CENPN: variants seen among roughly 807,000 people sequenced by gnomAD.
The protein encoded by CENPN is interphase centromere complex protein 32.
Under a neutral mutation model 48.6 loss-of-function variants are expected in CENPN, and 36 were observed. That is an observed-to-expected ratio of 0.74 (90% CI 0.57 to 0.98). CENPN has a LOEUF of 0.98. Among genes scored for constraint, CENPN ranks in the 50% least tolerant of loss-of-function variants. The probability of loss-of-function intolerance (pLI) is 0.00; values close to 1 mark genes in which losing one functional copy is unlikely to be tolerated. For synonymous variants in CENPN, 166 were observed against 135.2 expected (o/e 1.23, Z -1.58); for missense variants, 439 against 399.2 (o/e 1.10, Z -0.85).
In CENPN at chr16:81,026,649, G is replaced by A. The variant is rs370546898; in HGVS notation, c.810+11G>A. 6.9e-5 allele frequency: 92 copies of A among 1,331,816 alleles called. No homozygotes were observed. Among genetic ancestry groups the A allele is most frequent in the Middle Eastern group, 1.9e-4 (1 of 5,314 alleles). 82.5% of individuals were successfully genotyped at this position (1,331,816 alleles called of 1,614,324 possible). A position where few individuals can be genotyped will look rare whatever the true frequency, so the allele number is the denominator to read the frequency against. On this transcript the variant is annotated intron_variant, in intron 9 of 10. Transcript: ENST00000305850. Reference sequence around the variant, plus strand: ...TTTGCACAATATAAGGTAAGATGTCGTAATAAATATTAAGTACAAGATATC... The same window carrying A: ...TTTGCACAATATAAGGTAAGATGTCATAATAAATATTAAGTACAAGATATC...
At chr16:81,018,949 G>A (rs544881717) in intron 5 of CENPN, among the ~76,000 whole-genome samples, 1 of 152,312 alleles carries the variant, frequency 6.6e-6, no homozygotes, top group Admixed American at 6.5e-5. Flanking sequence ...TCAGAGGGGA[G>A]CTGATAATCC....
chr16:81,017,903 T>C, intron 5 of CENPN, 69 bp downstream of exon 5: 1 of 893,030 alleles, frequency 1.1e-6, no homozygotes. Context: ...AATTTGCTAC[T>C]ATCATAGTTT....
In CENPN at chr16:81,028,625, A is replaced by C; in HGVS notation, c.994A>C (p.Asn332His). The change falls in exon 11 of 11, where the codon AAT becomes CAT. Residue 332 changes from asparagine to histidine, a missense_variant. By Grantham distance (68) the Asn-to-His change is moderately conservative. Transcript: ENST00000305850. ...LLTCIPNKRMNYFKIRDK is the reference protein window; with the variant it reads ...LLTCIPNKRMHYFKIRDK ...CACTTGCATACCCAACAAGAGAATGAATTATTTTAAAATTAGAGATAAATA... is the reference window on the plus strand; with the variant it reads ...CACTTGCATACCCAACAAGAGAATGCATTATTTTAAAATTAGAGATAAATA... 1 of 1,611,994 alleles carries C rather than the reference A, an allele frequency of 6.2e-7. No homozygotes were observed. The highest frequency in any genetic ancestry group is 8.5e-7 in the Non-Finnish European group (1 of 1,179,594).
chr16:81,007,373 T>C (rs1356129222), intron 1 of CENPN, 96 bp downstream of exon 1: 2 of 152,156 alleles, frequency 1.3e-5, no homozygotes, highest in Non-Finnish European at 2.9e-5. Flanking sequence ...TTTTCGCAAT[T>C]GTCGCACGTT....
At chr16:81,014,549 C>G (rs1231796313) in intron 3 of CENPN, among the ~76,000 whole-genome samples, 1 of 152,018 alleles carries the variant, frequency 6.6e-6, no homozygotes. Flanking sequence ...TATAACGCCT[C>G]AGAGTCTAGA....
chr16:81,020,063 T>A (rs770746133), intron 5 of CENPN, 37 bp from the exon 6 acceptor site: 1 of 1,549,328 alleles, frequency 6.5e-7, no homozygotes. Flanking sequence ...GAAATTTTAA[T>A]TAGGAAATTA....
At chr16:81,026,690 G>T in intron 9 of CENPN, 52 bp downstream of exon 9, 1 of 887,684 alleles carries the variant, frequency 1.1e-6, no homozygotes, top group Non-Finnish European at 1.7e-6. Context: ...TGTTTAAAAA[G>T]AACAAAAACC....
Position 81,022,873 on chromosome 16 carries a change from C to A in CENPN, c.633+175C>A. 3 of 1,609,822 alleles carry A rather than the reference C, an allele frequency of 1.9e-6. No homozygotes were observed. In the South Asian group the frequency reaches 3.3e-5, roughly 18 times the overall value. Reference sequence around the variant, plus strand: ...AAGGAAAATAAAAATTCCTCACAGTCATCTTTTTATAATTGTATTGTGTTT... The same window carrying A: ...AAGGAAAATAAAAATTCCTCACAGTAATCTTTTTATAATTGTATTGTGTTT... On this transcript the variant is annotated intron_variant, in intron 7 of 10. Transcript: ENST00000305850.
chr16:81,008,712 T>A (rs967099536), intron 1 of CENPN, among the ~76,000 whole-genome samples: 1 of 152,192 alleles, frequency 6.6e-6, no homozygotes, highest in African/African-American at 2.4e-5. Flanking sequence ...ACCACCCAGG[T>A]TGTCTCCTCA....
chr16:81,016,509 C>G (rs1969937580), intron 3 of CENPN, among the ~76,000 whole-genome samples: 1 of 152,220 alleles, frequency 6.6e-6, no homozygotes, highest in African/African-American at 2.4e-5. Flanking sequence ...CGCCTGTAAT[C>G]CCAGCACTTT....
chr16:81,027,080 G>C (rs979701018), intron 9 of CENPN, among the ~76,000 whole-genome samples: 1 of 152,056 alleles, frequency 6.6e-6, no homozygotes, highest in African/African-American at 2.4e-5. Flanking sequence ...TTACAGACGT[G>C]AGCCACTGCG....
Position 81,024,759 on chromosome 16 carries a change from C to T in CENPN, c.678C>T (p.Ser226=), listed in dbSNP as rs1416497174. 1 of 1,609,352 alleles carries T rather than the reference C, an allele frequency of 6.2e-7. No homozygotes were observed. Among genetic ancestry groups the T allele is most frequent in the Non-Finnish European group, 8.5e-7 (1 of 1,176,892 alleles). Residue 226 remains serine (S), a synonymous_variant, in exon 8 of 11, where the codon AGC becomes AGT. Transcript: ENST00000305850. ...CTACGACACCTCTACAGGAAAGAAG[C>T]CTTGGACTAGATATAAATAGTACGT... ...HNSTTPLQER[S]LGLDINMDSR... is the part of the protein sequence containing the mutation.
At chr16:81,024,599 G>C in intron 7 of CENPN, 116 bp from the exon 8 acceptor site, 3 of 621,382 alleles carry the variant, frequency 4.8e-6, no homozygotes, top group Non-Finnish European at 7.8e-6. Context: ...TATGGCTTTG[G>C]ATCTTTCTGT....
intron 7 of CENPN, 30 bp from the exon 8 acceptor site, chr16:81,024,685 T>C: frequency 1.4e-6 from 2 of 1,456,378 alleles, no homozygotes; most frequent in Non-Finnish European, 1.9e-6. Context: ...GATGTCAAGA[T>C]TAGTAAAATA....
chr16:81,029,352 C>T lies in CENPN; in HGVS notation c.*701C>T. Reference sequence around the variant, plus strand: ...TTGATCAAAGTACTTCAGTGATCATCACTAAATACCCTATCTTTTTAAAAA... The same window carrying T: ...TTGATCAAAGTACTTCAGTGATCATTACTAAATACCCTATCTTTTTAAAAA... On this transcript the variant is annotated 3_prime_UTR_variant, in exon 11 of 11. Transcript: ENST00000305850. The T allele has an allele frequency of 1.1e-6, 1 of 931,972 alleles. No homozygotes were observed. Among genetic ancestry groups the T allele is most frequent in the African/African-American group, 1.8e-5 (1 of 56,280 alleles). The allele number at this position is 931,972 out of a possible 1,614,324, so 57.7% of individuals were successfully genotyped here.
rs1969767262 is a variant in CENPN at position 81,012,115 on chromosome 16, CAG to C, written c.171+6_171+7del. ...CACTTGATCCATCTGTGTGAGGTAA[CAG>C]TGTTAAAAATGATGAGCCTTGAACA... On this transcript the variant is annotated splice_donor_region_variant and intron_variant, in intron 2 of 10. Transcript: ENST00000305850. 1 of 1,613,392 alleles carries C rather than the reference CAG, an allele frequency of 6.2e-7. No individual in the cohort carries two copies. Among genetic ancestry groups the C allele is most frequent in the Non-Finnish European group, 8.5e-7 (1 of 1,179,526 alleles).
At chr16:81,025,238 G>A (rs867597615) in intron 8 of CENPN, among the ~76,000 whole-genome samples, 3 of 152,144 alleles carry the variant, frequency 2.0e-5, no homozygotes, top group Admixed American at 6.5e-5. Context: ...CTCTTAATGC[G>A]CTGGATAAAC....
chr16:81,026,143 G>GTATATATATGTGTGTATATATATGTGTA (rs1970472625), intron 8 of CENPN, among the ~76,000 whole-genome samples: 3 of 143,222 alleles, frequency 2.1e-5, no homozygotes, highest in South Asian at 2.1e-4. Flanking sequence ...ATATATATAT[G>GTATATATATGTGTGTATATATATGTGTA]TATATATATA....
chr16:81,007,427 A>C (rs1226897641), intron 1 of CENPN, 150 bp downstream of exon 1: 2 of 152,000 alleles, frequency 1.3e-5, no homozygotes, highest in Non-Finnish European at 2.9e-5. Context: ...CGGGGCGAGG[A>C]ACTACGGTTC....
Sources: gnomAD v4.1 joint callset for allele counts (sites outside exome capture counted in the v4.1 genomes callset) on GRCh38, gnomAD v4.1.1 for gene constraint, MANE v1.5 for transcripts, NCBI Gene and HGNC (gene_info 2026-07-23, HGNC 2026-07-21) for gene names.